The following SPECC1L variants were observed in gnomAD, a reference collection of about 807,000 sequenced individuals.
SPECC1L encodes the protein cytospin-A.
SPECC1L carries 40 observed loss-of-function variants against 116.8 expected under a neutral mutation model. The observed-to-expected ratio is 0.34, with a 90% confidence interval of 0.27 to 0.45. The LOEUF (loss-of-function observed/expected upper bound fraction) is 0.45. SPECC1L is among the 20% of genes least tolerant of loss of function. The pLI, the probability that SPECC1L is intolerant of heterozygous loss-of-function variation, is 1.00. For missense variants in SPECC1L, 1,110 were observed against 1,373.6 expected (o/e 0.81, Z 3.03); for synonymous variants, 504 against 500.6 (o/e 1.01, Z -0.09).
chr22:24,345,527 G>A (rs1346387788), intron 10 of SPECC1L, among the ~76,000 whole-genome samples: 1 of 152,154 alleles, frequency 6.6e-6, no homozygotes, highest in Non-Finnish European at 1.5e-5. Context: ...TGGGGAGAAT[G>A]TATTCATAAT....
intron 3 of SPECC1L, among the ~76,000 whole-genome samples, chr22:24,305,719 T>C (rs2049480561): frequency 6.6e-6 from 1 of 152,230 alleles, no homozygotes; most frequent in Non-Finnish European, 1.5e-5. Flanking sequence ...CCGTAGAGTA[T>C]ACCTATGTTC....
At chr22:24,397,452 G>A (rs1248432174) in intron 14 of SPECC1L, among the ~76,000 whole-genome samples, 1 of 152,138 alleles carries the variant, frequency 6.6e-6, no homozygotes, top group Non-Finnish European at 1.5e-5. Context: ...TGCCAGGGAA[G>A]ACCAGTTGTC....
At chr22:24,293,636 A>C (rs1400472023) in intron 2 of SPECC1L, among the ~76,000 whole-genome samples, 1 of 151,234 alleles carries the variant, frequency 6.6e-6, no homozygotes, top group East Asian at 2.0e-4. Context: ...GAGGGAAATA[A>C]TAGTCTTGCT....
intron 14 of SPECC1L, among the ~76,000 whole-genome samples, chr22:24,383,866 TG>T (rs2042112179): frequency 7.2e-6 from 1 of 139,070 alleles, no homozygotes; most frequent in Non-Finnish European, 1.5e-5. Flanking sequence ...TTGTCCAGGC[TG>T]GTCTCGAACT....
At chr22:24,388,390 C>T (rs2042202993) in intron 14 of SPECC1L, among the ~76,000 whole-genome samples, 1 of 151,422 alleles carries the variant, frequency 6.6e-6, no homozygotes. Flanking sequence ...CCAGCTTCAT[C>T]CGTGTCCCTA....
At chr22:24,275,381 TA>T (rs971027454) in intron 1 of SPECC1L, among the ~76,000 whole-genome samples, 29 of 152,358 alleles carry the variant, frequency 1.9e-4, no homozygotes, top group African/African-American at 7.0e-4. Flanking sequence ...AAAGTCTGTT[TA>T]ATTGTACCTT....
chr22:24,271,758 G>A (rs1459694078), intron 1 of SPECC1L, among the ~76,000 whole-genome samples: 1 of 152,236 alleles, frequency 6.6e-6, no homozygotes, highest in South Asian at 2.1e-4. Context: ...GGGGAACCTT[G>A]ATTTGTTGAT....
intron 2 of SPECC1L, among the ~76,000 whole-genome samples, chr22:24,280,764 A>G (rs1049578879): frequency 1.3e-4 from 19 of 151,876 alleles, no homozygotes; most frequent in African/African-American, 3.9e-4. Context: ...TTTTTTGTAG[A>G]GGCGGCGTTT....
At chr22:24,388,188 C>CGTCAT (rs1280923431) in intron 14 of SPECC1L, among the ~76,000 whole-genome samples, 3 of 151,194 alleles carry the variant, frequency 2.0e-5, no homozygotes, top group Non-Finnish European at 4.4e-5. Flanking sequence ...CCCATCAACT[C>CGTCAT]GTCATTTAAC....
At chr22:24,330,184 A>T (rs2040911433) in intron 7 of SPECC1L, 72 bp from the exon 8 acceptor site, 1 of 1,523,140 alleles carries the variant, frequency 6.6e-7, no homozygotes, top group Non-Finnish European at 9.1e-7. Flanking sequence ...CCAATCATAA[A>T]CAAATTTTAT....
intron 14 of SPECC1L, among the ~76,000 whole-genome samples, chr22:24,379,659 T>C (rs147470500): frequency 6.6e-6 from 1 of 152,304 alleles, no homozygotes; most frequent in East Asian, 1.9e-4. Flanking sequence ...CACTTGACAG[T>C]CTTGGCTACA....
intron 2 of SPECC1L, among the ~76,000 whole-genome samples, chr22:24,283,794 TA>T (rs1453967820): frequency 1.3e-5 from 2 of 152,232 alleles, no homozygotes; most frequent in Non-Finnish European, 2.9e-5. Flanking sequence ...TGAGCTTCGA[TA>T]GTTTGTCTTT....
intron 2 of SPECC1L, among the ~76,000 whole-genome samples, chr22:24,280,482 A>G (rs1042251638): frequency 2.0e-5 from 3 of 151,868 alleles, no homozygotes; most frequent in Non-Finnish European, 4.4e-5. Context: ...TGAAGACCTT[A>G]AGGTCTCTGT....
Position 24,322,461 on chromosome 22 carries a change from G to A in SPECC1L, c.1481G>A (p.Arg494His), listed in dbSNP as rs756538892. The A allele has an allele frequency of 8.7e-6, 14 of 1,614,000 alleles. No individual in the cohort carries two copies. Among genetic ancestry groups the A allele is most frequent in the African/African-American group, 1.3e-5 (1 of 74,898 alleles). ...KSGRYMELEQ[R>H]YMDLAENARF... The stretch of plus-strand genomic sequence containing the variant: ...GGGCGCTATATGGAATTAGAGCAAC[G>A]TTACATGGACCTCGCTGAGAATGCC... The change falls in exon 5 of 17, where the codon CGT becomes CAT. Residue 494 changes from arginine (R) to histidine (H), a missense_variant. Transcript: ENST00000314328.
intron 14 of SPECC1L, among the ~76,000 whole-genome samples, chr22:24,407,312 G>A (rs897129905): frequency 6.6e-6 from 1 of 152,250 alleles, no homozygotes; most frequent in Non-Finnish European, 1.5e-5. Context: ...CTTTGTAAAA[G>A]AAGTCTCTCT....
Position 24,351,134 on chromosome 22 carries a change from C to T in SPECC1L, c.2743+3958C>T, listed in dbSNP as rs145472813. Among the ~76,000 whole-genome samples, 1,042 of 152,260 alleles carry T rather than the reference C, an allele frequency of 6.8e-3. 2 individuals carry two copies. The highest frequency in any genetic ancestry group is 0.015 in the South Asian group (71 of 4,828). ...TTATCTTGATGGGGTTAGAGCAGGG[C>T]GAGGTTTACCAGGGGAAACCAGCAC... On this transcript the variant is annotated intron_variant, in intron 11 of 16. Transcript: ENST00000314328.
chr22:24,412,817 T>G, intron 16 of SPECC1L, 110 bp downstream of exon 16: 13 of 1,215,690 alleles, frequency 1.1e-5, no homozygotes, highest in Non-Finnish European at 1.6e-5. Flanking sequence ...GGCTGCCTGG[T>G]AAAAGGCAGC....
At chr22:24,278,409 G>C (rs568775670) in intron 2 of SPECC1L, among the ~76,000 whole-genome samples, 101 of 152,054 alleles carry the variant, frequency 6.6e-4, no homozygotes, top group African/African-American at 2.3e-3. Flanking sequence ...TTTTCTTCTT[G>C]TTTTCTTAAT....
chr22:24,299,177 T>C (rs1026786649), intron 2 of SPECC1L, among the ~76,000 whole-genome samples: 3 of 152,212 alleles, frequency 2.0e-5, no homozygotes, highest in African/African-American at 7.2e-5. Context: ...ATTGTTTTTA[T>C]ATTATAGTTG....
Sources: gnomAD v4.1 joint callset for allele counts (sites outside exome capture counted in the v4.1 genomes callset) on GRCh38, gnomAD v4.1.1 for gene constraint, MANE v1.5 for transcripts, NCBI Gene and HGNC (gene_info 2026-07-23, HGNC 2026-07-21) for gene names.